FAM200B: variants seen among roughly 807,000 people sequenced by gnomAD.
FAM200B encodes zinc finger BED-type containing 11.
A neutral mutation model predicts 33.1 loss-of-function variants in FAM200B; 32 were observed. The observed-to-expected ratio is 0.97, with a 90% CI of 0.73 to 1.30. FAM200B has a LOEUF of 1.30. FAM200B is among the 50% of genes most tolerant of loss of function. FAM200B has a pLI of 0.00. For synonymous variants in FAM200B, 240 were observed against 264.8 expected (o/e 0.91, Z 0.91); for missense variants, 741 against 754.0 (o/e 0.98, Z 0.20).
At chr4:15,667,681 T>C in the FAM200B span, among the ~76,000 whole-genome samples, 19 of 152,128 alleles carry the variant, frequency 1.2e-4, no homozygotes, top group Non-Finnish European at 2.8e-4. Flanking sequence ...GAGAAGCAAT[T>C]AATGATGAAG....
chr4:15,655,071 C>G, the FAM200B span: 1 of 598,758 alleles, frequency 1.7e-6, no homozygotes, highest in Non-Finnish European at 2.3e-6. Context: ...GCGCTGACAG[C>G]TGCGCAGGCG....
the FAM200B span, among the ~76,000 whole-genome samples, chr4:15,644,266 T>C: frequency 6.6e-6 from 1 of 152,238 alleles, no homozygotes; most frequent in Non-Finnish European, 1.5e-5. Context: ...TATAAATCCC[T>C]ACTTGTCCTT....
At chr4:15,683,644 A>C (rs778281583) in intron 1 of FAM200B, among the ~76,000 whole-genome samples, 1 of 152,210 alleles carries the variant, frequency 6.6e-6, no homozygotes, top group Non-Finnish European at 1.5e-5. Context: ...AGCTAAATCT[A>C]AATTTACATG....
At chr4:15,643,018 CAT>C in the FAM200B span, among the ~76,000 whole-genome samples, 1 of 152,086 alleles carries the variant, frequency 6.6e-6, no homozygotes, top group African/African-American at 2.4e-5. Flanking sequence ...TTCTACTAGT[CAT>C]GACTTTAGTT....
chr4:15,657,655 T>G, the FAM200B span, among the ~76,000 whole-genome samples: 104,900 of 152,132 alleles, frequency 0.69, 36,333 homozygotes, highest in East Asian at 0.81. Context: ...TTAAAAATAA[T>G]CCCTGTGAGT....
the FAM200B span, chr4:15,641,622 A>G: frequency 2.2e-6 from 1 of 455,746 alleles, no homozygotes; most frequent in Non-Finnish European, 4.4e-6. Flanking sequence ...AGTCAACAGT[A>G]GTAGGCTGTA....
At chr4:15,668,583 T>C in the FAM200B span, among the ~76,000 whole-genome samples, 87 of 152,272 alleles carry the variant, frequency 5.7e-4, no homozygotes, top group East Asian at 0.015. Context: ...AAAGGAAGTA[T>C]AAAAGATTAT....
intron 1 of FAM200B, among the ~76,000 whole-genome samples, chr4:15,684,519 T>A (rs1421112976): frequency 6.6e-6 from 1 of 152,186 alleles, no homozygotes; most frequent in Non-Finnish European, 1.5e-5. Flanking sequence ...ATTGTAGTAG[T>A]TTGAGGTTTC....
At chr4:15,674,171 T>G in the FAM200B span, among the ~76,000 whole-genome samples, 1 of 151,380 alleles carries the variant, frequency 6.6e-6, no homozygotes, top group Admixed American at 6.6e-5. Context: ...CTGGAAATAC[T>G]AAAGAATGAT....
chr4:15,639,333 TA>T, the FAM200B span, among the ~76,000 whole-genome samples: 1 of 152,328 alleles, frequency 6.6e-6, no homozygotes, highest in Middle Eastern at 3.4e-3. Flanking sequence ...CTTCTGGTAC[TA>T]GAGTAACTGA....
chr4:15,655,403 C>T, the FAM200B span: 1 of 1,016,658 alleles, frequency 9.8e-7, no homozygotes, highest in Non-Finnish European at 1.2e-6. Flanking sequence ...CGTCGGCGCG[C>T]GCGCCCGGTC....
the FAM200B span, among the ~76,000 whole-genome samples, chr4:15,637,040 G>A: frequency 3.3e-5 from 5 of 152,156 alleles, no homozygotes; most frequent in African/African-American, 1.2e-4. Context: ...AACAAGTATA[G>A]AGTCAGCCAG....
chr4:15,686,811 A>G lies in FAM200B; in HGVS notation c.-167A>G. 2.3e-6 allele frequency: 1 copy of G among 428,610 alleles called. No individual in the cohort carries two copies. Among genetic ancestry groups the G allele is most frequent in the Admixed American group, 4.1e-5 (1 of 24,556 alleles). 26.6% of individuals were successfully genotyped at this position (428,610 alleles called of 1,614,324 possible). ...TTAATGTTCTATAGTCAAGTTTTAT[A>G]TTACAATTACTTGCAACTAGTTGTG... On this transcript the variant is annotated 5_prime_UTR_variant, in exon 2 of 2. The change creates a new upstream start codon in the 5' untranslated region. Coordinates refer to ENST00000422728, the MANE Select transcript of FAM200B (RefSeq NM_001145191.2).
At chr4:15,673,434 T>C in the FAM200B span, among the ~76,000 whole-genome samples, 356 of 152,070 alleles carry the variant, frequency 2.3e-3, no homozygotes, top group African/African-American at 7.9e-3. Context: ...GAGTGAGACC[T>C]CATCTCAAAA....
the FAM200B span, among the ~76,000 whole-genome samples, chr4:15,676,397 T>C: frequency 6.6e-6 from 1 of 152,022 alleles, no homozygotes; most frequent in East Asian, 1.9e-4. Flanking sequence ...ATATGGGAAA[T>C]TCAATCAGAC....
At chr4:15,652,379 T>C in the FAM200B span, among the ~76,000 whole-genome samples, 6 of 152,210 alleles carry the variant, frequency 3.9e-5, no homozygotes, top group Non-Finnish European at 7.3e-5. Flanking sequence ...AACCTTGGCC[T>C]AGCTAATCTA....
At position 15,689,585 on chromosome 4, in the gene FAM200B, G is replaced by A. The variant is rs529255970; in HGVS notation, c.*634G>A. The A allele has an allele frequency of 5.4e-5, 9 of 165,928 alleles. No homozygotes were observed. The highest frequency in any genetic ancestry group is 1.2e-4 in the Non-Finnish European group (8 of 68,138). The allele number at this position is 165,928 out of a possible 1,614,324, so 10.3% of individuals were successfully genotyped here. A position where few individuals can be genotyped will look rare whatever the true frequency, so the allele number is the denominator to read the frequency against. On this transcript the variant is annotated 3_prime_UTR_variant, in exon 2 of 2. Transcript: ENST00000422728. ...GCCCAGGAGTTCAAGACCATCCTGG[G>A]CAACATAGTGAGACCTTATTTCTAC...
the FAM200B span, among the ~76,000 whole-genome samples, chr4:15,676,487 A>C: frequency 2.6e-5 from 4 of 152,374 alleles, no homozygotes; most frequent in East Asian, 7.7e-4. Context: ...AGAGACAAAG[A>C]TATATCAATA....
the FAM200B span, among the ~76,000 whole-genome samples, chr4:15,648,258 T>C: frequency 1.3e-5 from 2 of 152,218 alleles, no homozygotes; most frequent in Non-Finnish European, 2.9e-5. Context: ...ATTAATTCTG[T>C]ATTCAGACCA....
Sources: gnomAD v4.1 joint callset for allele counts (sites outside exome capture counted in the v4.1 genomes callset) on GRCh38, gnomAD v4.1.1 for gene constraint, MANE v1.5 for transcripts, NCBI Gene and HGNC (gene_info 2026-07-23, HGNC 2026-07-21) for gene names.